ARB2A: variants seen among roughly 807,000 people sequenced by gnomAD.
ARB2A encodes the protein ARB2 cotranscriptional regulator A.
At chr5:93,676,454 A>G in the ARB2A span, among the ~76,000 whole-genome samples, 3 of 152,224 alleles carry the variant, frequency 2.0e-5, no homozygotes, top group African/African-American at 4.8e-5. Flanking sequence ...TTGCTGGTCC[A>G]CTGAACGTAT....
the ARB2A span, among the ~76,000 whole-genome samples, chr5:93,983,657 C>A: frequency 1.3e-5 from 2 of 152,102 alleles, no homozygotes; most frequent in African/African-American, 4.8e-5. Context: ...TATCTTCCCC[C>A]AAATTACTTA....
the ARB2A span, among the ~76,000 whole-genome samples, chr5:93,639,662 G>C: frequency 6.6e-6 from 1 of 152,112 alleles, no homozygotes; most frequent in Admixed American, 6.5e-5. Context: ...CATGTAAGAT[G>C]GGATTGACTA....
chr5:93,850,780 C>G, the ARB2A span, among the ~76,000 whole-genome samples: 1 of 152,132 alleles, frequency 6.6e-6, no homozygotes, highest in African/African-American at 2.4e-5. Context: ...CATTTGGAGT[C>G]AATATGAACA....
the ARB2A span, among the ~76,000 whole-genome samples, chr5:93,941,767 A>C: frequency 6.6e-6 from 1 of 152,154 alleles, no homozygotes; most frequent in Non-Finnish European, 1.5e-5. Context: ...AGCTGTGACA[A>C]TTATTTGAAA....
chr5:93,950,274 T>G, the ARB2A span, among the ~76,000 whole-genome samples: 1 of 152,176 alleles, frequency 6.6e-6, no homozygotes, highest in Non-Finnish European at 1.5e-5. Flanking sequence ...TTTTTTTCAT[T>G]TTTTGAGGAA....
the ARB2A span, among the ~76,000 whole-genome samples, chr5:94,024,627 G>A: frequency 6.6e-6 from 1 of 151,992 alleles, no homozygotes; most frequent in South Asian, 2.1e-4. Flanking sequence ...GGGAAATAAT[G>A]TGTTATACAT....
At chr5:93,630,517 G>C in the ARB2A span, among the ~76,000 whole-genome samples, 1 of 152,162 alleles carries the variant, frequency 6.6e-6, no homozygotes, top group Admixed American at 6.5e-5. Context: ...CAGACACTTT[G>C]CATCATTTGT....
the ARB2A span, among the ~76,000 whole-genome samples, chr5:93,938,118 A>G: frequency 6.6e-6 from 1 of 152,202 alleles, no homozygotes; most frequent in African/African-American, 2.4e-5. Context: ...CACAAAAAAT[A>G]CAACAGAATA....
the ARB2A span, among the ~76,000 whole-genome samples, chr5:93,841,484 T>C: frequency 6.6e-6 from 1 of 152,172 alleles, no homozygotes; most frequent in South Asian, 2.1e-4. Context: ...CTTGAGCATC[T>C]GTGGATTTTG....
At chr5:94,010,792 A>G in the ARB2A span, among the ~76,000 whole-genome samples, 2 of 152,180 alleles carry the variant, frequency 1.3e-5, no homozygotes, top group East Asian at 1.9e-4. Context: ...AGGTTTTTCT[A>G]TTTTACATAA....
chr5:94,060,434 T>C, the ARB2A span, among the ~76,000 whole-genome samples: 17 of 152,228 alleles, frequency 1.1e-4, no homozygotes, highest in Admixed American at 3.3e-4. Context: ...TCCGAGACCT[T>C]AAAAACCACA....
At chr5:94,010,466 T>C in the ARB2A span, among the ~76,000 whole-genome samples, 1 of 152,236 alleles carries the variant, frequency 6.6e-6, no homozygotes, top group South Asian at 2.1e-4. Context: ...TATGGTCTCA[T>C]TGTAAAAGTG....
chr5:94,028,160 G>C, the ARB2A span, among the ~76,000 whole-genome samples: 1 of 152,322 alleles, frequency 6.6e-6, no homozygotes, highest in East Asian at 1.9e-4. Context: ...GTCCCAGATA[G>C]ACATTATCTC....
At chr5:94,024,878 G>A in the ARB2A span, among the ~76,000 whole-genome samples, 1 of 152,288 alleles carries the variant, frequency 6.6e-6, no homozygotes, top group African/African-American at 2.4e-5. Flanking sequence ...AAAAACGCAA[G>A]TAGGTTTATA....
the ARB2A span, among the ~76,000 whole-genome samples, chr5:93,846,808 A>G: frequency 4.6e-5 from 7 of 152,168 alleles, no homozygotes; most frequent in Non-Finnish European, 7.3e-5. Flanking sequence ...TCTTGCCTCA[A>G]TGTTGATGGC....
At chr5:93,965,894 G>A in the ARB2A span, among the ~76,000 whole-genome samples, 1 of 152,006 alleles carries the variant, frequency 6.6e-6, no homozygotes, top group Non-Finnish European at 1.5e-5. Context: ...TTTAGAAACA[G>A]TATATTAGAT....
chr5:94,034,604 G>A, the ARB2A span, among the ~76,000 whole-genome samples: 3 of 152,298 alleles, frequency 2.0e-5, no homozygotes, highest in East Asian at 5.8e-4. Flanking sequence ...TTTATTATCA[G>A]TAAGAACCCT....
the ARB2A span, among the ~76,000 whole-genome samples, chr5:93,978,305 C>A: frequency 6.6e-6 from 1 of 152,050 alleles, no homozygotes; most frequent in Non-Finnish European, 1.5e-5. Flanking sequence ...CAAAAAGATA[C>A]CTGCACTCAT....
chr5:94,017,643 T>C, the ARB2A span, among the ~76,000 whole-genome samples: 1 of 152,284 alleles, frequency 6.6e-6, no homozygotes, highest in Admixed American at 6.5e-5. Flanking sequence ...CCTATAAAGG[T>C]TGTTACTCTG....
Sources: allele counts gnomAD v4.1 joint callset (sites outside exome capture counted in the v4.1 genomes callset), GRCh38; gene constraint gnomAD v4.1.1; transcripts MANE v1.5; gene names NCBI Gene and HGNC (gene_info 2026-07-23, HGNC 2026-07-21).